C8orf34: variants seen among roughly 807,000 people sequenced by gnomAD.
C8orf34 encodes the protein chromosome 8 open reading frame 34.
C8orf34 carries 65 observed loss-of-function variants against 68.3 expected under a neutral mutation model. That is an observed-to-expected ratio of 0.95 (90% CI 0.78 to 1.17). C8orf34 has a LOEUF of 1.17. C8orf34 is among the 50% of genes most tolerant of loss of function. The pLI is 0.00. For synonymous variants in C8orf34, 244 were observed against 241.2 expected (o/e 1.01, Z -0.11); for missense variants, 664 against 655.4 (o/e 1.01, Z -0.14).
chr8:68,456,025 C>T (rs1348227832), intron 3 of C8orf34, among the ~76,000 whole-genome samples: 1 of 149,854 alleles, frequency 6.7e-6, no homozygotes, highest in African/African-American at 2.5e-5. Flanking sequence ...GCAGGTGGAT[C>T]ACGAGGTCAG....
At chr8:68,665,368 G>A (rs1819806167) in intron 8 of C8orf34, among the ~76,000 whole-genome samples, 1 of 152,090 alleles carries the variant, frequency 6.6e-6, no homozygotes, top group Non-Finnish European at 1.5e-5. Context: ...GTTACCTAAA[G>A]GAATTCATGA....
At chr8:68,592,593 C>CTTTTTTTT (rs1444802100) in intron 7 of C8orf34, among the ~76,000 whole-genome samples, 1 of 116,802 alleles carries the variant, frequency 8.6e-6, no homozygotes. Context: ...CAATTTATCT[C>CTTTTTTTT]TTCTTTTTTT....
intron 7 of C8orf34, among the ~76,000 whole-genome samples, chr8:68,627,731 A>G (rs949420379): frequency 2.0e-5 from 3 of 152,210 alleles, no homozygotes; most frequent in African/African-American, 7.2e-5. Flanking sequence ...TTTCTAACAG[A>G]AGAGCCTTCA....
Position 68,358,083 on chromosome 8 carries a change from C to T in C8orf34, c.327+26744C>T, listed in dbSNP as rs530530198. ...CCTTGGAAAATGCCTTAAATTCTTT[C>T]TGAAATAAGGACAAATATAAATATT... On this transcript the variant is annotated intron_variant, in intron 1 of 13. Transcript: ENST00000518698. 2.4e-3 allele frequency among the ~76,000 whole-genome samples: 360 copies of T among 152,200 alleles called. 3 individuals carry two copies. Among genetic ancestry groups the T allele is most frequent in the Non-Finnish European group, 4.1e-3 (281 of 68,018 alleles).
At chr8:68,566,331 G>C (rs981748267) in intron 7 of C8orf34, among the ~76,000 whole-genome samples, 3 of 152,038 alleles carry the variant, frequency 2.0e-5, no homozygotes, top group African/African-American at 7.2e-5. Context: ...CCCTCAAGTA[G>C]AACCCAGTGT....
At chr8:68,813,114 A>G (rs1824703821) in intron 12 of C8orf34, among the ~76,000 whole-genome samples, 1 of 152,230 alleles carries the variant, frequency 6.6e-6, no homozygotes, top group African/African-American at 2.4e-5. Context: ...ATCCTCAAGA[A>G]GAAATAGTGT....
In C8orf34 at chr8:68,651,834, A is replaced by T. The variant is rs750660986; in HGVS notation, c.1241+11323A>T. ...CCATTTGAGTGATGAGTACACTAGA[A>T]GCCGAAACCCCTCTATTATGCAGTA... On this transcript the variant is annotated intron_variant, in intron 8 of 13. Coordinates refer to ENST00000518698, the MANE Select transcript of C8orf34 (RefSeq NM_052958.4). 2.6e-5 allele frequency among the ~76,000 whole-genome samples: 4 copies of T among 152,168 alleles called. 1 individual carries two copies. The highest frequency in any genetic ancestry group is 5.9e-5 in the Non-Finnish European group (4 of 68,034).
At position 68,506,598 on chromosome 8, in the gene C8orf34, A is replaced by T. The variant is rs185807711; in HGVS notation, c.766-15201A>T. Among the ~76,000 whole-genome samples, 4 of 152,154 alleles carry T rather than the reference A, an allele frequency of 2.6e-5. No homozygotes were observed. In the East Asian group the frequency reaches 7.7e-4, roughly 29 times the overall value. On this transcript the variant is annotated intron_variant, in intron 5 of 13. Coordinates refer to ENST00000518698, the MANE Select transcript of C8orf34 (RefSeq NM_052958.4). ...TTCTTTGAGTTTGTGTGAGTTTGTT[A>T]TAGATCCTGGATGCCAACCTTTGTT...
intron 1 of C8orf34, among the ~76,000 whole-genome samples, chr8:68,433,823 A>C (rs948475444): frequency 2.6e-5 from 4 of 152,218 alleles, no homozygotes; most frequent in African/African-American, 9.6e-5. Flanking sequence ...AGTTTTAATA[A>C]TAAGTGAGTC....
intron 8 of C8orf34, among the ~76,000 whole-genome samples, chr8:68,674,552 AG>A (rs1240856280): frequency 6.6e-6 from 1 of 152,088 alleles, no homozygotes; most frequent in Non-Finnish European, 1.5e-5. Flanking sequence ...TTGATCAAGC[AG>A]AAAAAAGAAT....
intron 7 of C8orf34, among the ~76,000 whole-genome samples, chr8:68,557,808 T>C (rs1816299938): frequency 6.6e-6 from 1 of 152,208 alleles, no homozygotes; most frequent in Non-Finnish European, 1.5e-5. Flanking sequence ...AAGATGTTTT[T>C]CTATATGCTG....
chr8:68,635,514 C>A (rs1238289160), intron 7 of C8orf34, among the ~76,000 whole-genome samples: 1 of 152,192 alleles, frequency 6.6e-6, no homozygotes, highest in Non-Finnish European at 1.5e-5. Context: ...GTGATTGCTT[C>A]ATTTAAACAA....
intron 10 of C8orf34, among the ~76,000 whole-genome samples, chr8:68,743,612 A>G (rs1239100166): frequency 6.6e-6 from 1 of 152,208 alleles, no homozygotes; most frequent in Non-Finnish European, 1.5e-5. Context: ...TAGTCAAAGA[A>G]AGGGGTGACA....
intron 11 of C8orf34, among the ~76,000 whole-genome samples, chr8:68,779,575 G>GA (rs1823617603): frequency 6.6e-6 from 1 of 152,072 alleles, no homozygotes; most frequent in African/African-American, 2.4e-5. Flanking sequence ...ATCTGAACCA[G>GA]AAAGGGGATC....
At chr8:68,763,914 T>A (rs569306677) in intron 10 of C8orf34, among the ~76,000 whole-genome samples, 4 of 152,264 alleles carry the variant, frequency 2.6e-5, no homozygotes, top group African/African-American at 9.6e-5. Flanking sequence ...GAGGAGTCCA[T>A]GGGACCAAGA....
At chr8:68,574,596 C>T (rs903034623) in intron 7 of C8orf34, among the ~76,000 whole-genome samples, 7 of 151,948 alleles carry the variant, frequency 4.6e-5, no homozygotes, top group African/African-American at 1.7e-4. Flanking sequence ...TTATCTTACC[C>T]ATAATGGAAA....
chr8:68,728,850 T>C (rs1563633975), intron 10 of C8orf34, among the ~76,000 whole-genome samples: 1 of 152,238 alleles, frequency 6.6e-6, no homozygotes, highest in Non-Finnish European at 1.5e-5. Flanking sequence ...TTATTGTTGC[T>C]GTAGGAACAA....
intron 1 of C8orf34, among the ~76,000 whole-genome samples, chr8:68,361,610 C>A (rs573059823): frequency 5.3e-5 from 8 of 152,342 alleles, no homozygotes; most frequent in African/African-American, 1.9e-4. Flanking sequence ...TTTTCCATTT[C>A]TGTTGTGCTT....
At chr8:68,438,720 A>C (rs1810769810) in intron 1 of C8orf34, 1 of 152,148 alleles carries the variant, frequency 6.6e-6, no homozygotes, top group African/African-American at 2.4e-5. Context: ...CATATTAGAA[A>C]AATCTAGGGA....
Sources: gnomAD v4.1 joint callset for allele counts (sites outside exome capture counted in the v4.1 genomes callset) on GRCh38, gnomAD v4.1.1 for gene constraint, MANE v1.5 for transcripts, NCBI Gene and HGNC (gene_info 2026-07-23, HGNC 2026-07-21) for gene names.